The following TAS2R1 variants were observed in gnomAD, a reference collection of about 807,000 sequenced individuals.
TAS2R1 encodes taste 2 receptor member 1, also known as taste receptor type 2 member 1.
For synonymous variants in TAS2R1, 141 were observed against 134.2 expected (o/e 1.05, Z -0.35); for missense variants, 370 against 353.4 (o/e 1.05, Z -0.38).
the TAS2R1 span, among the ~76,000 whole-genome samples, chr5:9,827,606 AC>A: frequency 2.0e-5 from 3 of 147,610 alleles, no homozygotes. Context: ...ATGCACACAC[AC>A]ACACACACAC....
At chr5:9,866,634 C>G in the TAS2R1 span, among the ~76,000 whole-genome samples, 5 of 152,168 alleles carry the variant, frequency 3.3e-5, no homozygotes, top group Admixed American at 2.6e-4. Context: ...GGATATAGGC[C>G]TTAAGCATAA....
the TAS2R1 span, among the ~76,000 whole-genome samples, chr5:9,839,514 A>G: frequency 3.5e-3 from 538 of 152,372 alleles, 4 homozygotes; most frequent in African/African-American, 0.012. Flanking sequence ...TGATGAAATT[A>G]CTATCACAAC....
chr5:9,836,493 G>A, the TAS2R1 span, among the ~76,000 whole-genome samples: 2 of 151,944 alleles, frequency 1.3e-5, no homozygotes, highest in Non-Finnish European at 1.5e-5. Flanking sequence ...CCCTCCATAC[G>A]CCCCAGGTTA....
chr5:9,772,745 A>G, the TAS2R1 span, among the ~76,000 whole-genome samples: 41 of 152,050 alleles, frequency 2.7e-4, no homozygotes, highest in African/African-American at 9.7e-4. Flanking sequence ...TTATTGTTAT[A>G]TGATATCCTT....
the TAS2R1 span, among the ~76,000 whole-genome samples, chr5:9,757,987 T>C: frequency 6.6e-6 from 1 of 152,146 alleles, no homozygotes; most frequent in African/African-American, 2.4e-5. Flanking sequence ...ACCATGATTA[T>C]TAAATAAATT....
chr5:9,630,533 T>A (rs941462622), upstream of TAS2R1, among the ~76,000 whole-genome samples: 2 of 152,212 alleles, frequency 1.3e-5, no homozygotes, highest in Non-Finnish European at 2.9e-5. Flanking sequence ...GACTCCTGAG[T>A]AGTTCTCCAA....
At chr5:9,795,299 T>G in the TAS2R1 span, among the ~76,000 whole-genome samples, 2 of 152,318 alleles carry the variant, frequency 1.3e-5, no homozygotes, top group African/African-American at 4.8e-5. Context: ...TGGACTTGAC[T>G]GCTAAGACTA....
chr5:9,775,901 G>A, the TAS2R1 span, among the ~76,000 whole-genome samples: 1 of 152,336 alleles, frequency 6.6e-6, no homozygotes, highest in South Asian at 2.1e-4. Context: ...TTTGAGCTGA[G>A]CTGCCTGGAG....
the TAS2R1 span, among the ~76,000 whole-genome samples, chr5:9,898,232 G>A: frequency 6.6e-6 from 1 of 152,138 alleles, no homozygotes; most frequent in Admixed American, 6.5e-5. Flanking sequence ...TATTATCAGT[G>A]GGGAAAATGT....
the TAS2R1 span, among the ~76,000 whole-genome samples, chr5:9,773,789 A>G: frequency 1.3e-5 from 2 of 152,172 alleles, no homozygotes; most frequent in African/African-American, 2.4e-5. Context: ...CGGCTGCCAA[A>G]TGTATTAGAG....
the TAS2R1 span, among the ~76,000 whole-genome samples, chr5:9,845,756 A>G: frequency 9.2e-5 from 14 of 152,376 alleles, no homozygotes; most frequent in Admixed American, 7.2e-4. Context: ...AAATGTTTGC[A>G]AAGTGTCCGC....
At chr5:9,707,262 T>C (rs1164448047) in intron 1 of TAS2R1, among the ~76,000 whole-genome samples, 1 of 152,140 alleles carries the variant, frequency 6.6e-6, no homozygotes, top group Non-Finnish European at 1.5e-5. Flanking sequence ...AAGAGATCCA[T>C]GAGTCCTGCA....
the TAS2R1 span, among the ~76,000 whole-genome samples, chr5:9,872,367 A>G: frequency 1.3e-5 from 2 of 152,238 alleles, no homozygotes; most frequent in South Asian, 4.1e-4. Flanking sequence ...AGAGAATCAT[A>G]TCTGTAGCCA....
chr5:9,883,647 C>T, the TAS2R1 span, among the ~76,000 whole-genome samples: 7 of 152,096 alleles, frequency 4.6e-5, no homozygotes, highest in South Asian at 4.2e-4. Context: ...CAAGCTTCAC[C>T]GAGAATTCAG....
At chr5:9,797,262 G>A in the TAS2R1 span, among the ~76,000 whole-genome samples, 9,383 of 152,192 alleles carry the variant, frequency 0.062, 840 homozygotes, top group African/African-American at 0.19. Flanking sequence ...CATGTAGTGC[G>A]TAGAGGCCAG....
At chr5:9,876,535 T>C in the TAS2R1 span, among the ~76,000 whole-genome samples, 1 of 152,216 alleles carries the variant, frequency 6.6e-6, no homozygotes, top group Non-Finnish European at 1.5e-5. Flanking sequence ...AAATCTGTCA[T>C]ACCCGAGAAG....
chr5:9,857,792 G>C, the TAS2R1 span, among the ~76,000 whole-genome samples: 1 of 152,086 alleles, frequency 6.6e-6, no homozygotes, highest in Non-Finnish European at 1.5e-5. Flanking sequence ...TCTGCAGACT[G>C]GCTTTGTCTT....
the TAS2R1 span, among the ~76,000 whole-genome samples, chr5:9,828,167 C>T: frequency 6.6e-6 from 1 of 151,928 alleles, no homozygotes; most frequent in Non-Finnish European, 1.5e-5. Flanking sequence ...CTCTTGTCAC[C>T]TAGGCTGGAG....
chr5:9,754,926 G>A, the TAS2R1 span, among the ~76,000 whole-genome samples: 85 of 152,266 alleles, frequency 5.6e-4, no homozygotes, highest in South Asian at 2.7e-3. Context: ...AAAAGAGCCC[G>A]CATTGCCAAG....
Sources: gnomAD v4.1 joint callset for allele counts (sites outside exome capture counted in the v4.1 genomes callset) on GRCh38, gnomAD v4.1.1 for gene constraint, MANE v1.5 for transcripts, NCBI Gene and HGNC (gene_info 2026-07-23, HGNC 2026-07-21) for gene names.